The following COBLL1 variants were observed in gnomAD, a reference collection of about 807,000 sequenced individuals.
The protein encoded by COBLL1 is cordon-bleu protein-like 1.
COBLL1 carries 50 observed loss-of-function variants against 94.8 expected under a neutral mutation model. The ratio of observed to expected loss-of-function variants is 0.53; its 90% CI spans 0.42 to 0.67. The LOEUF (loss-of-function observed/expected upper bound fraction) is 0.67, where lower values mean the gene tolerates loss of function less well. COBLL1 is among the 30% of genes least tolerant of loss of function. COBLL1 has a pLI of 0.00. For synonymous variants in COBLL1, 448 were observed against 473.8 expected (o/e 0.95, Z 0.71); for missense variants, 1,362 against 1,348.7 (o/e 1.01, Z -0.15).
chr2:164,708,538 C>T (rs193197273), intron 7 of COBLL1, among the ~76,000 whole-genome samples: 54 of 152,224 alleles, frequency 3.5e-4, no homozygotes, highest in African/African-American at 1.2e-3. Flanking sequence ...AAAACTTTCC[C>T]TTGATATCTT....
chr2:164,775,255 T>C (rs1688409791), intron 2 of COBLL1, among the ~76,000 whole-genome samples: 1 of 152,058 alleles, frequency 6.6e-6, no homozygotes, highest in Non-Finnish European at 1.5e-5. Flanking sequence ...ACCCACACTG[T>C]CCTATATCTT....
intron 2 of COBLL1, among the ~76,000 whole-genome samples, chr2:164,777,851 A>G (rs429376): frequency 0.24 from 36,621 of 151,974 alleles, 5,274 homozygotes; most frequent in African/African-American, 0.4. Flanking sequence ...TCTGGGAAAC[A>G]AGAATCTGTG....
At chr2:164,764,967 CCT>C (rs1340660056) in intron 2 of COBLL1, among the ~76,000 whole-genome samples, 5 of 151,862 alleles carry the variant, frequency 3.3e-5, no homozygotes, top group Non-Finnish European at 7.4e-5. Flanking sequence ...ACAAGGGTTT[CCT>C]TTAAAGAATT....
Position 164,695,397 on chromosome 2 carries a change from T to A in COBLL1, c.1995A>T (p.Ile665=). The A allele has an allele frequency of 6.2e-7, 1 of 1,613,996 alleles. No homozygotes were observed. Among genetic ancestry groups the A allele is most frequent in the Non-Finnish European group, 8.5e-7 (1 of 1,179,928 alleles). Residue 665 remains isoleucine (I), a synonymous_variant, in exon 12 of 14, where the codon ATA becomes ATT. Coordinates refer to ENST00000652658, the MANE Select transcript of COBLL1 (RefSeq NM_001365672.2). The part of the protein sequence containing the change: ...REFRSQGTLI[I]HSEDPLTVKD... ...TTACGGTAAGCGGATCTTCTGAATGTATAATTAGGGTGCCTTGACTCCTGA... is the reference window on the plus strand; with the variant it reads ...TTACGGTAAGCGGATCTTCTGAATGAATAATTAGGGTGCCTTGACTCCTGA...
intron 2 of COBLL1, among the ~76,000 whole-genome samples, chr2:164,792,964 A>C (rs1232651614): frequency 6.6e-6 from 1 of 152,102 alleles, no homozygotes; most frequent in Admixed American, 6.5e-5. Flanking sequence ...GTTCCTCCCC[A>C]TAAAAATTCT....
intron 2 of COBLL1, among the ~76,000 whole-genome samples, chr2:164,808,644 T>C (rs1374971137): frequency 6.6e-6 from 1 of 152,194 alleles, no homozygotes; most frequent in African/African-American, 2.4e-5. Context: ...TCTGACATTA[T>C]TTCCTTACTT....
Position 164,704,433 on chromosome 2 carries a change from G to A in COBLL1, c.1225+11C>T, listed in dbSNP as rs758742997. On this transcript the variant is annotated intron_variant, in intron 9 of 13. Transcript: ENST00000652658. Reference sequence around the variant, plus strand: ...TCAGTAATTACACCATGTAGAATAAGGGTGTCATACCTGGGCTGGATAGCT... The same window carrying A: ...TCAGTAATTACACCATGTAGAATAAAGGTGTCATACCTGGGCTGGATAGCT... 6.4e-7 allele frequency: 1 copy of A among 1,560,256 alleles called. No individual in the cohort carries two copies. The highest frequency in any genetic ancestry group is 1.1e-5 in the South Asian group (1 of 89,900).
chr2:164,836,113 T>C (rs760211219), intron 2 of COBLL1, among the ~76,000 whole-genome samples: 22 of 152,264 alleles, frequency 1.4e-4, no homozygotes, highest in Non-Finnish European at 2.6e-4. Context: ...GCATTTTTAA[T>C]AAATAATTTC....
intron 2 of COBLL1, among the ~76,000 whole-genome samples, chr2:164,815,677 T>C (rs1278740731): frequency 6.6e-6 from 1 of 152,164 alleles, no homozygotes; most frequent in Non-Finnish European, 1.5e-5. Flanking sequence ...ATTAGGACTA[T>C]GATCTATTTT....
chr2:164,792,148 A>G (rs1330504510), intron 2 of COBLL1, among the ~76,000 whole-genome samples: 1 of 151,554 alleles, frequency 6.6e-6, no homozygotes, highest in Non-Finnish European at 1.5e-5. Context: ...TATCATTTTG[A>G]GACAGAGTCT....
In COBLL1 at chr2:164,695,087, T is replaced by C. The variant is rs201545061; in HGVS notation, c.2305A>G (p.Thr769Ala). The C allele has an allele frequency of 1.9e-6, 3 of 1,613,702 alleles. No individual in the cohort carries two copies. In the Admixed American group the frequency reaches 5.0e-5, roughly 27 times the overall value. ...GCAGTTTCTTTCACATTCTCATGAG[T>C]GTGCTTTTTCCCTAAAGCATGCATG... Reference protein sequence around the residue: ...QDMHALGKKHTHENVKETAIQ... With the variant: ...QDMHALGKKHAHENVKETAIQ... Residue 769 changes from threonine to alanine, a missense_variant, in exon 12 of 14, where the codon ACT becomes GCT. Coordinates refer to ENST00000652658, the MANE Select transcript of COBLL1 (RefSeq NM_001365672.2).
At position 164,695,206 on chromosome 2, in the gene COBLL1, A is replaced by G; in HGVS notation, c.2186T>C (p.Ile729Thr). 2.5e-6 allele frequency: 4 copies of G among 1,613,924 alleles called. No homozygotes were observed. The highest frequency in any genetic ancestry group is 3.4e-6 in the Non-Finnish European group (4 of 1,179,942). ...CACTATTTTATAAGTAGTCATGCCA[A>G]TTTTGGGTATATACTCTCGTGTAAT... Reference protein sequence around the residue: ...NEITREYIPKIGMTTYKIVPP... With the variant: ...NEITREYIPKTGMTTYKIVPP... The change falls in exon 12 of 14, where the codon ATT becomes ACT. Residue 729 changes from isoleucine (I) to threonine (T), a missense_variant. Ile to Thr is a moderately conservative substitution (Grantham distance 89). Transcript: ENST00000652658.
chr2:164,804,110 CA>C (rs71393642), intron 2 of COBLL1, among the ~76,000 whole-genome samples: 124 of 82,558 alleles, frequency 1.5e-3, no homozygotes, highest in Middle Eastern at 7.2e-3. Flanking sequence ...TAGGCCTTAG[CA>C]AAAAAAAAAA....
chr2:164,690,784 G>A (rs1683551020), intron 13 of COBLL1, among the ~76,000 whole-genome samples: 1 of 151,982 alleles, frequency 6.6e-6, no homozygotes, highest in South Asian at 2.1e-4. Context: ...TACAATATTT[G>A]TTACTTATGT....
chr2:164,813,194 T>C (rs918134497), intron 2 of COBLL1, among the ~76,000 whole-genome samples: 2 of 152,124 alleles, frequency 1.3e-5, no homozygotes, highest in Non-Finnish European at 2.9e-5. Context: ...GTTCCTACTT[T>C]AAGTATTTTA....
intron 1 of COBLL1, among the ~76,000 whole-genome samples, chr2:164,668,976 C>T (rs754487416): frequency 6.6e-6 from 1 of 152,218 alleles, no homozygotes; most frequent in Non-Finnish European, 1.5e-5. Flanking sequence ...ATTTACAGTA[C>T]ACTTCATAAG....
chr2:164,668,282 G>A (rs949299193), intron 1 of COBLL1, among the ~76,000 whole-genome samples: 2 of 152,100 alleles, frequency 1.3e-5, no homozygotes, highest in African/African-American at 4.8e-5. Context: ...CTTTTGACAT[G>A]CCTTCCTCAC....
chr2:164,702,558 C>CAAAAAAAAAAAAAAAAAAAAAA (rs56011410), intron 9 of COBLL1, among the ~76,000 whole-genome samples: 1 of 82,146 alleles, frequency 1.2e-5, no homozygotes, highest in African/African-American at 4.4e-5. Context: ...TGAGACTCCT[C>CAAAAAAAAAAAAAAAAAAAAAA]AAAAAAAAAA....
intron 2 of COBLL1, among the ~76,000 whole-genome samples, chr2:164,751,405 A>G (rs2105586188): frequency 6.6e-6 from 1 of 152,012 alleles, no homozygotes. Flanking sequence ...TTAGTTGAGG[A>G]AGGAAGGGAG....
Sources: allele counts gnomAD v4.1 joint callset (sites outside exome capture counted in the v4.1 genomes callset), GRCh38; gene constraint gnomAD v4.1.1; transcripts MANE v1.5; gene names NCBI Gene and HGNC (gene_info 2026-07-23, HGNC 2026-07-21).